Variants in MECOM observed in about 807,000 individuals in gnomAD.
MECOM encodes the protein MDS1 and EVI1 complex locus.
In MECOM, 13 loss-of-function variants were observed where a neutral mutation model predicts 116.3. The observed-to-expected ratio is 0.11, with a 90% CI of 0.07 to 0.18. MECOM has a LOEUF of 0.18. Among genes scored for constraint, MECOM ranks in the 10% least tolerant of loss-of-function variants. The pLI, the probability that MECOM is intolerant of heterozygous loss-of-function variation, is 1.00. For missense variants in MECOM, 1,299 were observed against 1,509.0 expected, an observed-to-expected ratio of 0.86 and a Z score of 2.31; for synonymous variants, 528 against 535.2, an observed-to-expected ratio of 0.99 and a Z score of 0.19.
intron 2 of MECOM, among the ~76,000 whole-genome samples, chr3:169,256,675 C>T (rs1353622140): frequency 2.0e-5 from 3 of 152,152 alleles, no homozygotes; most frequent in Admixed American, 6.5e-5. Flanking sequence ...TTACTATCAA[C>T]GTGTTTTAAG....
intron 1 of MECOM, among the ~76,000 whole-genome samples, chr3:169,642,337 G>T (rs145414804): frequency 7.2e-5 from 11 of 151,882 alleles, no homozygotes; most frequent in Admixed American, 7.2e-4. Flanking sequence ...ATTTAGAAAT[G>T]GGATTTTAAA....
At chr3:169,524,445 A>G (rs1312559199) in intron 1 of MECOM, among the ~76,000 whole-genome samples, 2 of 152,236 alleles carry the variant, frequency 1.3e-5, no homozygotes, top group Non-Finnish European at 2.9e-5. Flanking sequence ...TTTAGCAAGT[A>G]GAAATACCTG....
intron 2 of MECOM, among the ~76,000 whole-genome samples, chr3:169,290,538 T>G (rs1046329990): frequency 1.3e-5 from 2 of 152,154 alleles, no homozygotes; most frequent in African/African-American, 2.4e-5. Context: ...ATTATGTACT[T>G]GGACCTGAGA....
At chr3:169,472,542 G>T (rs1336594627) in intron 1 of MECOM, among the ~76,000 whole-genome samples, 4 of 69,140 alleles carry the variant, frequency 5.8e-5, no homozygotes, top group Admixed American at 3.0e-4. Flanking sequence ...GAAAAGGAAA[G>T]GAAAGGAAAA....
At chr3:169,384,827 G>A (rs1174049599) in intron 1 of MECOM, among the ~76,000 whole-genome samples, 1 of 152,116 alleles carries the variant, frequency 6.6e-6, no homozygotes, top group African/African-American at 2.4e-5. Flanking sequence ...TAGAGGCCGG[G>A]TGTGGTGGCT....
chr3:169,591,740 T>G (rs1161265507), intron 1 of MECOM, among the ~76,000 whole-genome samples: 1 of 152,222 alleles, frequency 6.6e-6, no homozygotes, highest in Non-Finnish European at 1.5e-5. Context: ...AAACCTGTTA[T>G]AATATGTAGA....
intron 2 of MECOM, among the ~76,000 whole-genome samples, chr3:169,302,863 CA>C (rs776985063): frequency 3.7e-4 from 49 of 131,718 alleles, no homozygotes; most frequent in South Asian, 4.8e-4. Flanking sequence ...GACTCTGTCT[CA>C]AAAAAAAAAA....
intron 1 of MECOM, among the ~76,000 whole-genome samples, chr3:169,619,943 T>C (rs1336855961): frequency 6.6e-6 from 1 of 152,172 alleles, no homozygotes; most frequent in Non-Finnish European, 1.5e-5. Flanking sequence ...GCCCTTCATG[T>C]TCTAAGACAG....
chr3:169,116,017 A>G lies in MECOM; in HGVS notation c.1855T>C (p.Phe619Leu). 1 of 1,614,100 alleles carries G rather than the reference A, an allele frequency of 6.2e-7. No individual in the cohort carries two copies. The highest frequency in any genetic ancestry group is 2.2e-5 in the East Asian group (1 of 44,878). Residue 619 changes from phenylalanine (F) to leucine (L), a missense_variant, in exon 8 of 17, where the codon TTC becomes CTC. By Grantham distance (22) the Phe-to-Leu change is conservative (BLOSUM62 0). Coordinates refer to ENST00000651503, the MANE Select transcript of MECOM (RefSeq NM_004991.4). ...KEKFKENGKM[F>L]KDKVSPLQNL... ...TGAAGAGGGCTTACTTTGTCTTTGA[A>G]CATTTTACCATTTTCTTTAAATTTC... is the stretch of plus-strand genomic sequence containing the variant.
chr3:169,276,751 T>C (rs1577558233), intron 2 of MECOM, among the ~76,000 whole-genome samples: 1 of 152,174 alleles, frequency 6.6e-6, no homozygotes, highest in African/African-American at 2.4e-5. Flanking sequence ...TGGTGCAGCA[T>C]TGTTTATAGA....
intron 2 of MECOM, among the ~76,000 whole-genome samples, chr3:169,353,053 A>G (rs1020561211): frequency 2.0e-5 from 3 of 151,852 alleles, no homozygotes; most frequent in Non-Finnish European, 4.4e-5. Flanking sequence ...GCTACAATTT[A>G]TTTTCATAAA....
chr3:169,095,873 T>C (rs1355754874), intron 12 of MECOM, among the ~76,000 whole-genome samples: 3 of 152,196 alleles, frequency 2.0e-5, no homozygotes, highest in Non-Finnish European at 4.4e-5. Context: ...CACTAAGTTC[T>C]CTTTTTGGAA....
At chr3:169,663,130 C>T (rs1434607708) in intron 1 of MECOM, among the ~76,000 whole-genome samples, 1 of 151,134 alleles carries the variant, frequency 6.6e-6, no homozygotes, top group East Asian at 2.0e-4. Context: ...GCCCAGGCTC[C>T]TCCGGCGCCC....
At chr3:169,582,783 G>A (rs904484356) in intron 1 of MECOM, among the ~76,000 whole-genome samples, 3 of 152,178 alleles carry the variant, frequency 2.0e-5, no homozygotes, top group Non-Finnish European at 4.4e-5. Flanking sequence ...CCAGGAGGAG[G>A]CACATTGTAC....
At chr3:169,620,703 A>C (rs1201141248) in intron 1 of MECOM, among the ~76,000 whole-genome samples, 1 of 152,242 alleles carries the variant, frequency 6.6e-6, no homozygotes, top group East Asian at 1.9e-4. Context: ...ACCTTCGTCA[A>C]GGTGCAGCCA....
At chr3:169,511,973 TC>T (rs1006944445) in intron 1 of MECOM, among the ~76,000 whole-genome samples, 11 of 152,170 alleles carry the variant, frequency 7.2e-5, no homozygotes, top group Non-Finnish European at 1.2e-4. Flanking sequence ...GACACACTCC[TC>T]TAAGTCTTGA....
intron 13 of MECOM, among the ~76,000 whole-genome samples, chr3:169,093,961 T>A (rs1241746657): frequency 1.3e-5 from 2 of 152,204 alleles, no homozygotes; most frequent in Admixed American, 1.3e-4. Flanking sequence ...TTTGACATGT[T>A]ACATGTTTAA....
chr3:169,352,505 C>T (rs1726495916), intron 2 of MECOM, among the ~76,000 whole-genome samples: 1 of 151,776 alleles, frequency 6.6e-6, no homozygotes, highest in African/African-American at 2.4e-5. Context: ...ATAAATATTC[C>T]TTGCAATATT....
chr3:169,147,797 G>A (rs1740377900), intron 2 of MECOM: 1 of 949,066 alleles, frequency 1.1e-6, no homozygotes, highest in Non-Finnish European at 1.3e-6. Flanking sequence ...TGGGAGGGAT[G>A]GGGAAGGGTA....
Sources: allele counts gnomAD v4.1 joint callset (sites outside exome capture counted in the v4.1 genomes callset), GRCh38; gene constraint gnomAD v4.1.1; transcripts MANE v1.5; gene names NCBI Gene and HGNC (gene_info 2026-07-23, HGNC 2026-07-21).